The following TNRC6C variants were observed in gnomAD, a reference collection of about 807,000 sequenced individuals.
The protein encoded by TNRC6C is trinucleotide repeat-containing gene 6C protein.
TNRC6C carries 20 observed loss-of-function variants against 153.7 expected under a neutral mutation model. The ratio of observed to expected loss-of-function variants is 0.13; its 90% CI spans 0.09 to 0.19. The LOEUF is 0.19. Among genes scored for constraint, TNRC6C ranks in the 10% least tolerant of loss-of-function variants. The pLI is 1.00. For synonymous variants in TNRC6C, 811 were observed against 841.4 expected (o/e 0.96, Z 0.63); for missense variants, 1,987 against 2,172.0 (o/e 0.91, Z 1.69).
exon 3 of TNRC6C, chr17:78,050,786 C>G: frequency 6.2e-7 from 1 of 1,608,280 alleles, no homozygotes; most frequent in East Asian, 2.2e-5. Flanking sequence ...GGTGAGCCTC[C>G]AAAGCCCAAA....
At position 78,079,302 on chromosome 17, in the gene TNRC6C, G is replaced by T. The variant is rs961012956; in HGVS notation, c.3211-93G>T. 2.0e-6 allele frequency: 3 copies of T among 1,535,972 alleles called. No individual in the cohort carries two copies. The highest frequency in any genetic ancestry group is 2.7e-6 in the Non-Finnish European group (3 of 1,131,620). The stretch of plus-strand genomic sequence containing the variant: ...AGTGGTAGGAAGTAGAAACAATTTT[G>T]CATTCACTTGAAATAGATCATTTCA... On this transcript the variant is annotated intron_variant, in intron 9 of 19. Coordinates refer to ENST00000301624, the Ensembl canonical transcript of TNRC6C. The surrounding 1 kb of genome is among the most constrained non-coding windows in gnomAD (Gnocchi z 4.3).
intron 1 of TNRC6C, among the ~76,000 whole-genome samples, chr17:77,985,603 A>AAAAAAAAAAAAAACAAAAAAAAC (rs1567901515): frequency 6.8e-6 from 1 of 147,600 alleles, no homozygotes; most frequent in African/African-American, 2.5e-5. Context: ...CTCCGTCTCA[A>AAAAAAAAAAAAAACAAAAAAAAC]AAAAAAAAAA....
chr17:77,968,487 G>A (rs1160930736), intron 1 of TNRC6C, among the ~76,000 whole-genome samples: 2 of 151,574 alleles, frequency 1.3e-5, no homozygotes, highest in Non-Finnish European at 2.9e-5. Context: ...GACTACAGGC[G>A]CCCGCCACCA....
intron 2 of TNRC6C, among the ~76,000 whole-genome samples, chr17:78,047,557 A>G (rs1230201472): frequency 6.6e-6 from 1 of 152,138 alleles, no homozygotes; most frequent in Non-Finnish European, 1.5e-5. Flanking sequence ...TTTTTTGCAC[A>G]CTTCCTTTTT....
At chr17:77,965,806 G>A (rs1204632038) in intron 1 of TNRC6C, among the ~76,000 whole-genome samples, 1 of 152,208 alleles carries the variant, frequency 6.6e-6, no homozygotes, top group Non-Finnish European at 1.5e-5. Flanking sequence ...TCTTAAGGAC[G>A]CATGTCAAAA....
At chr17:78,081,225 C>T (rs1051899119) in intron 10 of TNRC6C, among the ~76,000 whole-genome samples, 1 of 151,644 alleles carries the variant, frequency 6.6e-6, no homozygotes, top group Non-Finnish European at 1.5e-5. Flanking sequence ...CAAAGGCCTC[C>T]GCTCTTAACA....
At chr17:78,095,227 C>T (rs2073463845) in intron 16 of TNRC6C, among the ~76,000 whole-genome samples, 1 of 152,230 alleles carries the variant, frequency 6.6e-6, no homozygotes, top group Non-Finnish European at 1.5e-5. Context: ...GGAGTGGCCT[C>T]AGCCATCGCC....
intron 3 of TNRC6C, among the ~76,000 whole-genome samples, chr17:78,052,972 C>T (rs963427879): frequency 3.3e-5 from 5 of 152,080 alleles, no homozygotes. Context: ...TATTAAATTC[C>T]AGATTTCTGG....
intron 1 of TNRC6C, among the ~76,000 whole-genome samples, chr17:77,967,756 A>G (rs2070909540): frequency 6.6e-6 from 1 of 152,188 alleles, no homozygotes; most frequent in African/African-American, 2.4e-5. Flanking sequence ...TCTTTCACAG[A>G]TTTGATGATG....
chr17:78,098,238 C>T (rs1319352632), intron 16 of TNRC6C, 105 bp from the exon 20 acceptor site: 1 of 1,106,314 alleles, frequency 9.0e-7, no homozygotes, highest in Non-Finnish European at 1.3e-6. Context: ...GCCTATCACA[C>T]AGTCTGCTGG....
At chr17:77,979,236 A>G (rs1027184992) in intron 1 of TNRC6C, among the ~76,000 whole-genome samples, 1 of 152,252 alleles carries the variant, frequency 6.6e-6, no homozygotes, top group East Asian at 1.9e-4. Flanking sequence ...AATCTTTTGT[A>G]TATTTTAAAA....
rs774683341 is a variant in TNRC6C, at chr17:78,049,734, C to G, written c.672C>G (p.Gly224=). Residue 224 remains glycine, a synonymous_variant, in exon 3 of 20, where the codon GGC becomes GGG. Transcript: ENST00000301624. This position sits in a 1 kb window ranked among gnomAD's most constrained non-coding sequence, Gnocchi z 4.1. ...CCATCATCCCGCCCCACCTGCAAGG[C>G]CTTCCTGGTGCTAATGGATCATCAG... 9 of 1,592,912 alleles carry G rather than the reference C, an allele frequency of 5.7e-6. No individual in the cohort carries two copies. Among genetic ancestry groups the G allele is most frequent in the South Asian group, 2.3e-5 (2 of 87,296 alleles).
intron 3 of TNRC6C, among the ~76,000 whole-genome samples, chr17:78,060,057 G>A (rs2072736628): frequency 1.3e-5 from 2 of 152,024 alleles, no homozygotes; most frequent in South Asian, 4.1e-4. Flanking sequence ...CAAGGCCCGT[G>A]GTCAGTTTCT....
intron 3 of TNRC6C, among the ~76,000 whole-genome samples, chr17:78,060,470 T>G (rs2072745374): frequency 9.2e-6 from 1 of 108,796 alleles, no homozygotes; most frequent in African/African-American, 4.0e-5. Context: ...TCGTTTATCT[T>G]TTTTTTTTTT....
intron 1 of TNRC6C, among the ~76,000 whole-genome samples, chr17:77,983,366 C>T (rs1452353182): frequency 1.3e-5 from 2 of 152,162 alleles, no homozygotes; most frequent in African/African-American, 2.4e-5. Context: ...AGGTCACTCT[C>T]CTGACTAGAG....
At chr17:78,101,364 T>TG (rs1290955094) in intron 17 of TNRC6C, among the ~76,000 whole-genome samples, 1 of 152,208 alleles carries the variant, frequency 6.6e-6, no homozygotes, top group African/African-American at 2.4e-5. Flanking sequence ...ATCAGCAATT[T>TG]GTCAAAGCCA....
At chr17:77,967,741 G>C (rs1473727004) in intron 1 of TNRC6C, among the ~76,000 whole-genome samples, 1 of 152,168 alleles carries the variant, frequency 6.6e-6, no homozygotes, top group Non-Finnish European at 1.5e-5. Context: ...GTAATTCCTG[G>C]CTTGTCTTTC....
intron 16 of TNRC6C, among the ~76,000 whole-genome samples, chr17:78,097,282 T>C (rs2073504126): frequency 6.8e-6 from 1 of 146,814 alleles, no homozygotes; most frequent in Non-Finnish European, 1.5e-5. Flanking sequence ...GACACCCCAG[T>C]CAGAAGAAAT....
At chr17:77,990,522 G>T (rs536741277) in intron 1 of TNRC6C, among the ~76,000 whole-genome samples, 2 of 152,060 alleles carry the variant, frequency 1.3e-5, no homozygotes, top group Admixed American at 6.5e-5. Flanking sequence ...ACTTTCATGC[G>T]TGTTGTCCCC....
Sources: allele counts gnomAD v4.1 joint callset (sites outside exome capture counted in the v4.1 genomes callset), GRCh38; gene constraint gnomAD v4.1.1; non-coding constraint Gnocchi (gnomAD v3.1); transcripts MANE v1.5; gene names NCBI Gene and HGNC (gene_info 2026-07-23, HGNC 2026-07-21).